The following ALK variants were observed in gnomAD, a reference collection of about 807,000 sequenced individuals.
ALK encodes ALK receptor tyrosine kinase, also known as ALK tyrosine kinase receptor.
Under a neutral mutation model 163.1 loss-of-function variants are expected in ALK, and 74 were observed. The observed-to-expected ratio is 0.45, with a 90% CI of 0.38 to 0.55. ALK has a LOEUF of 0.55. Ranked by LOEUF, ALK falls within the 20% of genes least tolerant of loss-of-function variation. ALK has a pLI of 0.00. For synonymous variants in ALK, 960 were observed against 843.2 expected (o/e 1.14, Z -2.40); for missense variants, 2,063 against 2,105.3 (o/e 0.98, Z 0.39).
chr2:29,473,705 C>G (rs1236125599), intron 4 of ALK, among the ~76,000 whole-genome samples: 1 of 119,776 alleles, frequency 8.3e-6, no homozygotes, highest in Non-Finnish European at 2.0e-5. Context: ...CCCATCTCTA[C>G]TGAAAAAAAA....
intron 4 of ALK, among the ~76,000 whole-genome samples, chr2:29,472,706 A>T (rs569722385): frequency 6.6e-6 from 1 of 152,240 alleles, no homozygotes; most frequent in Non-Finnish European, 1.5e-5. Context: ...TGTATACAAC[A>T]AAAATTACAT....
chr2:29,875,680 G>A (rs1409501259), intron 1 of ALK, among the ~76,000 whole-genome samples: 2 of 152,166 alleles, frequency 1.3e-5, no homozygotes, highest in Non-Finnish European at 2.9e-5. Context: ...AGAACATGTG[G>A]TGTTTGGTTT....
intron 1 of ALK, among the ~76,000 whole-genome samples, chr2:29,784,394 G>A (rs1663941806): frequency 6.6e-6 from 1 of 152,150 alleles, no homozygotes; most frequent in Non-Finnish European, 1.5e-5. Flanking sequence ...GAGGTTGAGT[G>A]GAGTTAAAGA....
At chr2:29,239,227 C>T (rs1250006991) in intron 13 of ALK, among the ~76,000 whole-genome samples, 1 of 152,100 alleles carries the variant, frequency 6.6e-6, no homozygotes, top group Non-Finnish European at 1.5e-5. Context: ...TCTTAGGAGC[C>T]CTGAATTTAT....
intron 8 of ALK, among the ~76,000 whole-genome samples, chr2:29,311,408 T>A (rs1332793695): frequency 6.6e-6 from 1 of 152,176 alleles, no homozygotes; most frequent in Admixed American, 6.5e-5. Context: ...TTCCTAGGGG[T>A]ACCCAAAGCC....
At chr2:29,339,985 C>A (rs923858868) in intron 5 of ALK, among the ~76,000 whole-genome samples, 9 of 152,146 alleles carry the variant, frequency 5.9e-5, no homozygotes, top group African/African-American at 2.2e-4. Context: ...TTTTCTTATT[C>A]TTTTGTAGTC....
intron 2 of ALK, among the ~76,000 whole-genome samples, chr2:29,705,720 T>G (rs1401438416): frequency 6.6e-6 from 1 of 152,144 alleles, no homozygotes; most frequent in African/African-American, 2.4e-5. Flanking sequence ...AAAATAAGAA[T>G]TAAAGCAGGG....
chr2:29,500,694 A>G (rs1192065496), intron 4 of ALK, among the ~76,000 whole-genome samples: 1 of 151,786 alleles, frequency 6.6e-6, no homozygotes, highest in Non-Finnish European at 1.5e-5. Context: ...GGTCTTGCCT[A>G]CCCTAGAGAA....
At chr2:29,663,664 A>AT (rs1677420019) in intron 3 of ALK, among the ~76,000 whole-genome samples, 1 of 152,168 alleles carries the variant, frequency 6.6e-6, no homozygotes, top group Non-Finnish European at 1.5e-5. Context: ...GAATCAGGCA[A>AT]TATTTTCAAC....
intron 4 of ALK, among the ~76,000 whole-genome samples, chr2:29,487,305 G>A (rs1365292619): frequency 2.0e-5 from 3 of 152,192 alleles, no homozygotes; most frequent in African/African-American, 7.2e-5. Context: ...CAGCGATTGA[G>A]CCTGAGGTGG....
At chr2:29,813,632 T>C (rs867843221) in intron 1 of ALK, among the ~76,000 whole-genome samples, 9 of 152,314 alleles carry the variant, frequency 5.9e-5, no homozygotes, top group Middle Eastern at 6.8e-3. Flanking sequence ...CTTTATAAAA[T>C]GAGAGGCCCT....
intron 1 of ALK, among the ~76,000 whole-genome samples, chr2:29,860,325 C>T (rs767167461): frequency 6.7e-6 from 1 of 149,824 alleles, no homozygotes; most frequent in Non-Finnish European, 1.5e-5. Flanking sequence ...AAGTCTCTTG[C>T]TCAACTATGA....
intron 3 of ALK, among the ~76,000 whole-genome samples, chr2:29,645,382 GCT>G (rs1676842366): frequency 6.6e-6 from 1 of 152,106 alleles, no homozygotes; most frequent in Admixed American, 6.6e-5. Flanking sequence ...AACAAACTTG[GCT>G]TCTTTCATAT....
chr2:29,864,682 G>T (rs1666381108), intron 1 of ALK, among the ~76,000 whole-genome samples: 1 of 152,170 alleles, frequency 6.6e-6, no homozygotes, highest in African/African-American at 2.4e-5. Context: ...TAATCATGGG[G>T]AAAGAGAAGA....
chr2:29,638,157 T>C (rs975171673), intron 3 of ALK, among the ~76,000 whole-genome samples: 2 of 152,118 alleles, frequency 1.3e-5, no homozygotes, highest in Non-Finnish European at 2.9e-5. Flanking sequence ...ATCTCAACAA[T>C]GGCGGAAAGC....
chr2:29,538,261 C>T (rs928833180), intron 3 of ALK, among the ~76,000 whole-genome samples: 3 of 152,062 alleles, frequency 2.0e-5, no homozygotes, highest in Non-Finnish European at 4.4e-5. Context: ...AAATGTGATT[C>T]CCAATGTTGG....
At chr2:29,691,442 C>T (rs957234580) in intron 3 of ALK, among the ~76,000 whole-genome samples, 2 of 152,122 alleles carry the variant, frequency 1.3e-5, no homozygotes, top group African/African-American at 4.8e-5. Context: ...TTGTTCACAC[C>T]ACCATCCTTA....
chr2:29,241,081 G>A (rs1341963458), intron 12 of ALK, among the ~76,000 whole-genome samples: 2 of 152,220 alleles, frequency 1.3e-5, no homozygotes, highest in South Asian at 4.1e-4. Context: ...GAATGCAAAT[G>A]GAGAATCTAG....
intron 3 of ALK, among the ~76,000 whole-genome samples, chr2:29,556,433 C>A (rs1673862924): frequency 1.3e-5 from 2 of 152,164 alleles, no homozygotes; most frequent in South Asian, 4.1e-4. Flanking sequence ...CTTACTATTG[C>A]AAACAAGACT....
Sources: allele counts gnomAD v4.1 joint callset (sites outside exome capture counted in the v4.1 genomes callset), GRCh38; gene constraint gnomAD v4.1.1; transcripts MANE v1.5; gene names NCBI Gene and HGNC (gene_info 2026-07-23, HGNC 2026-07-21).